The following SYNC variants were observed in gnomAD, a reference collection of about 807,000 sequenced individuals.
The protein encoded by SYNC is syncoilin.
SYNC carries 38 observed loss-of-function variants against 49.5 expected under a neutral mutation model. That is an observed-to-expected ratio of 0.77 (90% CI 0.59 to 1.01). SYNC has a LOEUF of 1.01. Among genes scored for constraint, SYNC ranks in the 50% least tolerant of loss-of-function variants. SYNC has a pLI of 0.00. For synonymous variants in SYNC, 201 were observed against 230.8 expected (o/e 0.87, Z 1.17); for missense variants, 579 against 580.6 (o/e 1.00, Z 0.03).
chr1:32,702,794 C>T (rs1460076753), upstream of SYNC: 1 of 770,182 alleles, frequency 1.3e-6, no homozygotes, highest in Non-Finnish European at 1.6e-6. The surrounding 1 kb of genome is among the most constrained non-coding windows in gnomAD (Gnocchi z 6.2). Flanking sequence ...CCGGGCGCGC[C>T]CACTTGGCCG....
Position 32,694,976 on chromosome 1 carries a change from A to C in SYNC, c.1122T>G (p.Ala374=). ...TQAEIQEMKE[A]LRPLQAEARQ... ...GGGCCTCTGCTTGCAGGGGTCTCAG[A>C]GCCTCCTTCATTTCCTGGATCTCAG... Residue 374 remains alanine (A), a synonymous_variant, in exon 2 of 5, where the codon GCT becomes GCG. Transcript: ENST00000409190. 1 of 1,613,886 alleles carries C rather than the reference A, an allele frequency of 6.2e-7. No homozygotes were observed. The highest frequency in any genetic ancestry group is 2.2e-5 in the East Asian group (1 of 44,840).
chr1:32,701,072 C>T (rs781722172), intron 1 of SYNC, among the ~76,000 whole-genome samples: 2 of 152,108 alleles, frequency 1.3e-5, no homozygotes, highest in African/African-American at 2.4e-5. Context: ...CACGCCACCA[C>T]GCCTGGCTAA....
In SYNC at chr1:32,680,199, C is replaced by T. The variant is rs960222261; in HGVS notation, c.*1651G>A. On this transcript the variant is annotated 3_prime_UTR_variant, in exon 5 of 5. Transcript: ENST00000409190. ...ACTTTCCAGGATGCACATTTTCATA[C>T]GTAGACCAGTTTCCTCTTGGTTTCT... The T allele has an allele frequency of 4.5e-6, 5 of 1,109,916 alleles. No homozygotes were observed. The highest frequency in any genetic ancestry group is 4.9e-5 in the Admixed American group (1 of 20,534). The allele number at this position is 1,109,916 out of a possible 1,614,324, so 68.8% of individuals were successfully genotyped here.
intron 2 of SYNC, among the ~76,000 whole-genome samples, chr1:32,687,833 A>AATAATTATTATTATTATTATTATT (rs1553199360): frequency 5.2e-5 from 2 of 38,216 alleles, no homozygotes; most frequent in African/African-American, 9.2e-5. Flanking sequence ...CTGCCCAGTG[A>AATAATTATTATTATTATTATTATT]ATTATTATTA....
At position 32,695,933 on chromosome 1, in the gene SYNC, G is replaced by A. The variant is rs2148560656; in HGVS notation, c.165C>T (p.Leu55=). ...VTLSSEGSLN[L]EDILYLEDTG... ...TGTCCTCCAGGTAGAGAATGTCTTC[G>A]AGGTTTAAGGACCCCTCTGAAGATA... The change falls in exon 2 of 5, where the codon CTC becomes CTT. Residue 55 remains leucine (L), a synonymous_variant. Transcript: ENST00000409190. 3.2e-6 allele frequency: 5 copies of A among 1,550,600 alleles called. No homozygotes were observed. The highest frequency in any genetic ancestry group is 2.0e-5 in the Admixed American group (1 of 50,994).
rs564469161 is a variant in SYNC at position 32,688,599 on chromosome 1, C to T, written c.1234-4217G>A. ...TTCATTTTGTCTGTTATGCTTCCTT[C>T]TGGAGTACAAACTTTTTTTAAGGCG... is the stretch of plus-strand genomic sequence containing the variant. On this transcript the variant is annotated intron_variant, in intron 2 of 4. Transcript: ENST00000409190. Among the ~76,000 whole-genome samples the T allele has an allele frequency of 1.1e-3, 172 of 152,294 alleles. 1 individual carries two copies. The highest frequency in any genetic ancestry group is 4.0e-3 in the African/African-American group (165 of 41,574).
chr1:32,684,121 T>G, intron 3 of SYNC, 32 bp from the exon 4 acceptor site: 1 of 1,611,214 alleles, frequency 6.2e-7, no homozygotes, highest in Non-Finnish European at 8.5e-7. Context: ...TTCCATGTGT[T>G]TTTGGATAAG....
At chr1:32,696,900 A>G (rs1650457377) in intron 1 of SYNC, among the ~76,000 whole-genome samples, 1 of 151,272 alleles carries the variant, frequency 6.6e-6, no homozygotes, top group Admixed American at 6.6e-5. Flanking sequence ...GACACGTGCC[A>G]TCACACTCAG....
chr1:32,688,021 G>A (rs1223410124), intron 2 of SYNC, among the ~76,000 whole-genome samples: 2 of 151,700 alleles, frequency 1.3e-5, no homozygotes, highest in Non-Finnish European at 2.9e-5. Flanking sequence ...TTTTAGTAGA[G>A]ACGGGGTTTC....
At chr1:32,698,214 C>CA (rs149634173) in intron 1 of SYNC, among the ~76,000 whole-genome samples, 14 of 119,848 alleles carry the variant, frequency 1.2e-4, no homozygotes, top group African/African-American at 3.9e-4. Context: ...GACTCCATCT[C>CA]AAAAAAAAAA....
At chr1:32,700,956 C>T (rs973811964) in intron 1 of SYNC, among the ~76,000 whole-genome samples, 12 of 151,784 alleles carry the variant, frequency 7.9e-5, no homozygotes, top group African/African-American at 2.9e-4. Flanking sequence ...ACTCTTGTTG[C>T]CCAGGCTGGA....
At chr1:32,684,585 G>A (rs543354616) in intron 2 of SYNC, 129 of 679,276 alleles carry the variant, frequency 1.9e-4, no homozygotes, top group Middle Eastern at 1.5e-3. Flanking sequence ...AAATGATGAC[G>A]AAAAAGGCAT....
At chr1:32,693,710 C>G (rs1650273434) in intron 2 of SYNC, among the ~76,000 whole-genome samples, 1 of 152,152 alleles carries the variant, frequency 6.6e-6, no homozygotes, top group Non-Finnish European at 1.5e-5. Flanking sequence ...TGTTTATTCA[C>G]TTAGTATTTA....
intron 4 of SYNC, chr1:32,682,890 T>C (rs767603812): frequency 1.3e-5 from 2 of 152,236 alleles, no homozygotes; most frequent in Non-Finnish European, 2.9e-5. Context: ...TCACGGACTC[T>C]AGAACTTTTA....
At chr1:32,701,967 A>G (rs360508) in intron 1 of SYNC, among the ~76,000 whole-genome samples, 149,535 of 152,282 alleles carry the variant, frequency 0.98, 73,480 homozygotes, top group East Asian at 1. Flanking sequence ...GTCGGGAGCT[A>G]TGTATTTGCA....
Position 32,680,761 on chromosome 1 carries a change from C to G in SYNC, c.*1089G>C. On this transcript the variant is annotated 3_prime_UTR_variant, in exon 5 of 5. Transcript: ENST00000409190. The stretch of plus-strand genomic sequence containing the variant: ...GTTGTTGTCCATGGTCTTTGACTAT[C>G]AAGAGCAGAATTAAATGTAATAGTC... 2 of 500,508 alleles carry G rather than the reference C, an allele frequency of 4.0e-6. No individual in the cohort carries two copies. Among genetic ancestry groups the G allele is most frequent in the South Asian group, 7.6e-5 (2 of 26,150 alleles). 31.0% of individuals were successfully genotyped at this position (500,508 alleles called of 1,614,324 possible). A position where few individuals can be genotyped will look rare whatever the true frequency, so the allele number is the denominator to read the frequency against.
intron 2 of SYNC, among the ~76,000 whole-genome samples, chr1:32,691,108 C>T (rs1650138122): frequency 6.6e-6 from 1 of 152,094 alleles, no homozygotes; most frequent in African/African-American, 2.4e-5. Context: ...GTCCCAGCTA[C>T]TCGGGAGGCT....
intron 2 of SYNC, among the ~76,000 whole-genome samples, chr1:32,689,746 T>TC (rs1650067830): frequency 6.6e-6 from 1 of 151,592 alleles, no homozygotes; most frequent in Non-Finnish European, 1.5e-5. Flanking sequence ...ATCAAAACCA[T>TC]CCTGGCCAAC....
chr1:32,702,646 C>T lies in SYNC; in HGVS notation c.15G>A (p.Glu5=). 8.3e-7 allele frequency: 1 copy of T among 1,210,088 alleles called. No individual in the cohort carries two copies. Among genetic ancestry groups the T allele is most frequent in the Non-Finnish European group, 1.0e-6 (1 of 974,290 alleles). 75.0% of individuals were successfully genotyped at this position (1,210,088 alleles called of 1,614,324 possible). The change falls in exon 1 of 5, where the codon GAG becomes GAA. Residue 5 remains glutamate, a synonymous_variant. Transcript: ENST00000409190. This position sits in a 1 kb window ranked among gnomAD's most constrained non-coding sequence, Gnocchi z 6.2. ...CGGCGCCGTCCCCGCCGCGCCGGGG[C>T]TCCGGGCTGGCCATGGCTGCGCGAC... The part of the protein sequence containing the change: MASP[E]PRRGGDGAAQ...
Sources: gnomAD v4.1 joint callset for allele counts (sites outside exome capture counted in the v4.1 genomes callset) on GRCh38, gnomAD v4.1.1 for gene constraint, Gnocchi (gnomAD v3.1) non-coding constraint, MANE v1.5 for transcripts, NCBI Gene and HGNC (gene_info 2026-07-23, HGNC 2026-07-21) for gene names.